Variants in CACNA1A observed in about 807,000 individuals in gnomAD.
The protein encoded by CACNA1A is calcium voltage-gated channel subunit alpha1 A.
A neutral mutation model predicts 262.4 loss-of-function variants in CACNA1A; 57 were observed. The observed-to-expected ratio is 0.22, with a 90% CI of 0.18 to 0.27. CACNA1A has a LOEUF of 0.27. Among genes scored for constraint, CACNA1A ranks in the 10% least tolerant of loss-of-function variants. The probability of loss-of-function intolerance (pLI) is 1.00; values close to 1 mark genes in which losing one functional copy is unlikely to be tolerated. For synonymous variants in CACNA1A, 1,431 were observed against 1,419.3 expected (o/e 1.01, Z -0.18); for missense variants, 2,526 against 3,562.8 (o/e 0.71, Z 7.41).
intron 6 of CACNA1A, among the ~76,000 whole-genome samples, chr19:13,353,305 T>G (rs1256599888): frequency 1.3e-5 from 2 of 151,224 alleles, no homozygotes; most frequent in East Asian, 3.9e-4. Context: ...TTTTGTTTTT[T>G]TTTTTTTGTA....
chr19:13,273,378 C>T (rs1260311786), intron 24 of CACNA1A: 1 of 152,086 alleles, frequency 6.6e-6, no homozygotes, highest in Non-Finnish European at 1.5e-5. Flanking sequence ...AATTGTATCT[C>T]GTTTTTATTT....
chr19:13,452,773 C>T (rs896827518), intron 3 of CACNA1A, 103 bp downstream of exon 3: 3 of 1,097,008 alleles, frequency 2.7e-6, no homozygotes, highest in African/African-American at 3.1e-5. Context: ...GGAGGGAGAA[C>T]ACAAGGGCTC....
chr19:13,335,401 C>A (rs1464729639), intron 7 of CACNA1A, among the ~76,000 whole-genome samples: 1 of 152,094 alleles, frequency 6.6e-6, no homozygotes, highest in Non-Finnish European at 1.5e-5. Flanking sequence ...ATAGAGCCAC[C>A]ATACAAGTGC....
At chr19:13,505,911 G>A (rs1982981253) in intron 1 of CACNA1A, 21 bp downstream of exon 1, 4 of 1,608,170 alleles carry the variant, frequency 2.5e-6, no homozygotes, top group Non-Finnish European at 2.5e-6. Context: ...AGCTGCTGCT[G>A]GGGTTCGGGC....
intron 43 of CACNA1A, chr19:13,211,116 G>A (rs2054795614): frequency 1.1e-5 from 2 of 182,560 alleles, no homozygotes; most frequent in South Asian, 2.1e-4. Flanking sequence ...CAGCATGCAC[G>A]CTGGGTGCTC....
chr19:13,371,344 A>G, intron 4 of CACNA1A: 1 of 214,552 alleles, frequency 4.7e-6, no homozygotes, highest in Non-Finnish European at 9.4e-6. Context: ...CCAATGTTTC[A>G]GCCACTCTGA....
At chr19:13,371,943 A>G (rs957097970) in intron 3 of CACNA1A, among the ~76,000 whole-genome samples, 164 bp from the exon 4 acceptor site, 4 of 152,110 alleles carry the variant, frequency 2.6e-5, no homozygotes, top group African/African-American at 9.7e-5. Flanking sequence ...AATGGTCTTA[A>G]CAGTACCTGC....
chr19:13,418,848 G>A (rs2060270046), intron 3 of CACNA1A, among the ~76,000 whole-genome samples: 1 of 152,162 alleles, frequency 6.6e-6, no homozygotes, highest in South Asian at 2.1e-4. Flanking sequence ...GGTCCCATAT[G>A]GTTATAACTG....
chr19:13,406,066 A>G (rs564313921), intron 3 of CACNA1A, among the ~76,000 whole-genome samples: 44 of 152,232 alleles, frequency 2.9e-4, no homozygotes, highest in South Asian at 1.7e-3. Flanking sequence ...CTGTAATCCT[A>G]GCATTTTGGG....
rs1447900032 is a variant in CACNA1A at position 13,207,146 on chromosome 19, CG to C, written c.*166del. On this transcript the variant is annotated 3_prime_UTR_variant, in exon 47 of 47. Coordinates refer to ENST00000360228, the MANE Select transcript of CACNA1A (RefSeq NM_001127222.2). This position sits in a 1 kb window ranked among gnomAD's most constrained non-coding sequence, Gnocchi z 5.7. ...GGTCTCTTTTGGCCGAGGGTCTCTG[CG>C]GGACACCCTTGTGGCCCAGCCCTGG... The C allele has an allele frequency of 5.0e-5, 36 of 722,802 alleles. No homozygotes were observed. The highest frequency in any genetic ancestry group is 6.8e-5 in the Non-Finnish European group (33 of 487,886). The allele number at this position is 722,802 out of a possible 1,614,324, so 44.8% of individuals were successfully genotyped here. A position where few individuals can be genotyped will look rare whatever the true frequency, so the allele number is the denominator to read the frequency against.
chr19:13,338,829 G>A (rs919512260), intron 6 of CACNA1A, among the ~76,000 whole-genome samples: 5 of 151,988 alleles, frequency 3.3e-5, no homozygotes, highest in Non-Finnish European at 7.4e-5. Flanking sequence ...CTTATAATCC[G>A]CGGATTTTTC....
intron 3 of CACNA1A, 70 bp from the exon 4 acceptor site, chr19:13,371,849 T>C: frequency 8.8e-7 from 1 of 1,139,634 alleles, no homozygotes; most frequent in Non-Finnish European, 1.3e-6. Context: ...GCGGGGGTGC[T>C]TGGGATTCCA....
chr19:13,337,716 T>C lies in CACNA1A; in HGVS notation c.979-1807A>G, dbSNP rs756822843. 3.2e-4 allele frequency among the ~76,000 whole-genome samples: 47 copies of C among 148,172 alleles called. 1 individual carries two copies. The highest frequency in any genetic ancestry group is 1.0e-3 in the Admixed American group (15 of 14,704). ...TTTCTATGCTAAAATTAAGTCATGC[T>C]TAACAATGGGCATACATTCTGAAAA... On this transcript the variant is annotated intron_variant, in intron 6 of 46. Coordinates refer to ENST00000360228, the MANE Select transcript of CACNA1A (RefSeq NM_001127222.2).
At chr19:13,436,325 C>A (rs1347000447) in intron 3 of CACNA1A, among the ~76,000 whole-genome samples, 1 of 152,148 alleles carries the variant, frequency 6.6e-6, no homozygotes, top group Non-Finnish European at 1.5e-5. Context: ...AAGAGAGGAA[C>A]CTCAGCTGCT....
At chr19:13,392,627 G>C (rs140491157) in intron 3 of CACNA1A, among the ~76,000 whole-genome samples, 1 of 152,282 alleles carries the variant, frequency 6.6e-6, no homozygotes, top group East Asian at 1.9e-4. Flanking sequence ...GTTTTAACTG[G>C]TCCAACCACT....
chr19:13,325,644 A>G (rs2058348097), intron 10 of CACNA1A, among the ~76,000 whole-genome samples: 1 of 152,154 alleles, frequency 6.6e-6, no homozygotes, highest in Non-Finnish European at 1.5e-5. Flanking sequence ...CATGTTGGCC[A>G]GGCTGGTCTC....
intron 30 of CACNA1A, among the ~76,000 whole-genome samples, chr19:13,246,435 C>T (rs2056235948): frequency 6.6e-6 from 1 of 152,170 alleles, no homozygotes; most frequent in Non-Finnish European, 1.5e-5. Flanking sequence ...ATGGCAGCTA[C>T]TCTGTGAGCC....
Position 13,298,928 on chromosome 19 carries a change from T to C in CACNA1A, c.2705A>G (p.Asp902Gly), listed in dbSNP as rs1208373688. 1 of 1,594,202 alleles carries C rather than the reference T, an allele frequency of 6.3e-7. No homozygotes were observed. The highest frequency in any genetic ancestry group is 2.2e-5 in the East Asian group (1 of 44,674). The change falls in exon 19 of 47, where the codon GAC becomes GGC. Residue 902 changes from aspartate (D) to glycine (G), a missense_variant. Transcript: ENST00000360228. ...CAGGCTGCCCTCCCGGGCGTGGTGG[T>C]CCGACTCGCGGCCGTAGGGTCCCTC... ...SREGPYGRES[D>G]HHAREGSLEQ...
At chr19:13,426,592 C>G (rs1048644802) in intron 3 of CACNA1A, among the ~76,000 whole-genome samples, 4 of 152,202 alleles carry the variant, frequency 2.6e-5, no homozygotes, top group African/African-American at 9.6e-5. Context: ...TAAAAAAGAT[C>G]AGACAGCTTG....
Sources: allele counts gnomAD v4.1 joint callset (sites outside exome capture counted in the v4.1 genomes callset), GRCh38; gene constraint gnomAD v4.1.1; non-coding constraint Gnocchi (gnomAD v3.1); transcripts MANE v1.5; gene names NCBI Gene and HGNC (gene_info 2026-07-23, HGNC 2026-07-21).